The following INTS9 variants were observed in gnomAD, a reference collection of about 807,000 sequenced individuals.
INTS9 encodes integrator complex subunit 9, also known as protein related to CPSF subunits of 74 kDa.
INTS9 carries 55 observed loss-of-function variants against 79.7 expected under a neutral mutation model. The ratio of observed to expected loss-of-function variants is 0.69; its 90% confidence interval spans 0.56 to 0.86. The LOEUF (loss-of-function observed/expected upper bound fraction) is 0.86. INTS9 is among the 40% of genes least tolerant of loss of function. INTS9 has a pLI of 0.00. For missense variants in INTS9, 721 were observed against 831.5 expected (o/e 0.87, Z 1.64); for synonymous variants, 319 against 325.2 (o/e 0.98, Z 0.20).
chr8:28,877,390 C>T (rs1050399782), intron 1 of INTS9, among the ~76,000 whole-genome samples: 1 of 152,156 alleles, frequency 6.6e-6, no homozygotes, highest in East Asian at 1.9e-4. Flanking sequence ...TATTTTTTCA[C>T]TTTTCAGTGA....
intron 6 of INTS9, among the ~76,000 whole-genome samples, chr8:28,831,995 G>A (rs1323993303): frequency 2.0e-5 from 3 of 152,242 alleles, no homozygotes; most frequent in South Asian, 4.2e-4. Flanking sequence ...CTGAGCCACT[G>A]CACCTGGCCA....
intron 6 of INTS9, among the ~76,000 whole-genome samples, chr8:28,830,426 G>C (rs1407266607): frequency 1.3e-5 from 2 of 152,034 alleles, no homozygotes; most frequent in Admixed American, 6.6e-5. Flanking sequence ...TTGAGGTCAG[G>C]AGTTTGAGAC....
intron 12 of INTS9, among the ~76,000 whole-genome samples, chr8:28,779,712 TAC>T (rs1803129215): frequency 6.6e-6 from 1 of 152,226 alleles, no homozygotes. Flanking sequence ...GCTTTTCTTT[TAC>T]CCATGGTGTG....
chr8:28,852,717 A>G (rs1807911194), intron 2 of INTS9, among the ~76,000 whole-genome samples: 1 of 152,256 alleles, frequency 6.6e-6, no homozygotes, highest in Admixed American at 6.5e-5. Flanking sequence ...GTTGCTTATG[A>G]GAATATAACT....
chr8:28,846,298 A>T (rs985928278), intron 4 of INTS9, among the ~76,000 whole-genome samples: 1 of 152,232 alleles, frequency 6.6e-6, no homozygotes, highest in African/African-American at 2.4e-5. Flanking sequence ...TCTATGACTC[A>T]GTTCAGAATC....
chr8:28,798,381 A>G (rs1299592016), intron 8 of INTS9: 1 of 152,262 alleles, frequency 6.6e-6, no homozygotes, highest in Non-Finnish European at 1.5e-5. Flanking sequence ...ATCATTTTAT[A>G]TGGACCTTGT....
intron 6 of INTS9, among the ~76,000 whole-genome samples, chr8:28,822,600 C>T (rs7838224): frequency 0.024 from 3,635 of 151,998 alleles, 153 homozygotes; most frequent in African/African-American, 0.081. Flanking sequence ...ATGAATGAAA[C>T]GGCTTCAGTA....
chr8:28,776,641 C>T (rs1298824906), intron 13 of INTS9, among the ~76,000 whole-genome samples: 1 of 152,084 alleles, frequency 6.6e-6, no homozygotes, highest in African/African-American at 2.4e-5. Context: ...ACCAGGCTGA[C>T]CGGGCTGAGC....
chr8:28,836,393 G>T (rs1026635467), intron 5 of INTS9, among the ~76,000 whole-genome samples: 1 of 152,120 alleles, frequency 6.6e-6, no homozygotes, highest in African/African-American at 2.4e-5. Flanking sequence ...GGTAGAAATG[G>T]ATTTGACACC....
At chr8:28,887,281 G>T (rs1810221873) in intron 1 of INTS9, among the ~76,000 whole-genome samples, 1 of 152,202 alleles carries the variant, frequency 6.6e-6, no homozygotes, top group African/African-American at 2.4e-5. Context: ...GGGTTTCATG[G>T]AACTCTGCAA....
chr8:28,808,517 C>G (rs1262691021), intron 8 of INTS9, among the ~76,000 whole-genome samples: 1 of 152,118 alleles, frequency 6.6e-6, no homozygotes, highest in African/African-American at 2.4e-5. Flanking sequence ...TCCAGTTTGT[C>G]TCCAGACTTG....
chr8:28,851,748 G>T (rs563111404), intron 2 of INTS9, among the ~76,000 whole-genome samples: 2 of 152,038 alleles, frequency 1.3e-5, no homozygotes, highest in East Asian at 1.9e-4. Context: ...GGGGTGGGGG[G>T]TAAGTTTTAA....
chr8:28,832,294 A>G (rs1164312892), intron 6 of INTS9, among the ~76,000 whole-genome samples: 1 of 152,226 alleles, frequency 6.6e-6, no homozygotes, highest in Non-Finnish European at 1.5e-5. Flanking sequence ...CAGTCAGATC[A>G]AGGAGGCCAT....
intron 6 of INTS9, among the ~76,000 whole-genome samples, chr8:28,827,920 A>C (rs1806246110): frequency 6.6e-6 from 1 of 152,150 alleles, no homozygotes; most frequent in South Asian, 2.1e-4. Flanking sequence ...AAAGTGATTA[A>C]TTGGGATTTT....
At chr8:28,813,444 T>C in intron 7 of INTS9, 48 bp downstream of exon 7, 1 of 1,569,764 alleles carries the variant, frequency 6.4e-7, no homozygotes, top group Non-Finnish European at 8.8e-7. Flanking sequence ...AACAACAATA[T>C]GAATGGAAAG....
At chr8:28,779,821 G>A (rs1803134761) in intron 12 of INTS9, among the ~76,000 whole-genome samples, 1 of 152,092 alleles carries the variant, frequency 6.6e-6, no homozygotes. Flanking sequence ...CTGGGGGAAG[G>A]GCTGAAGCGT....
intron 8 of INTS9, among the ~76,000 whole-genome samples, chr8:28,800,965 C>T (rs1389165087): frequency 6.6e-6 from 1 of 152,204 alleles, no homozygotes; most frequent in Non-Finnish European, 1.5e-5. Flanking sequence ...ATTGTCCAGT[C>T]TCCCCCTCCT....
chr8:28,796,542 A>G lies in INTS9; in HGVS notation c.856+2T>C. 1 of 1,562,602 alleles carries G rather than the reference A, an allele frequency of 6.4e-7. No homozygotes were observed. Among genetic ancestry groups the G allele is most frequent in the Non-Finnish European group, 8.8e-7 (1 of 1,132,988 alleles). On this transcript the variant is annotated splice_donor_variant, in intron 9 of 16. Transcript: ENST00000521022. LOFTEE classifies it high-confidence loss of function. ...AACGTAAGATGAGAGACGGTTGCAC[A>G]CCTAGGTTGCTGCAGAACTCTCCCA...
intron 8 of INTS9, among the ~76,000 whole-genome samples, chr8:28,802,946 CAAA>C (rs575727940): frequency 6.1e-5 from 4 of 65,268 alleles, no homozygotes; most frequent in Admixed American, 1.7e-4. Context: ...CCCGTTTCTA[CAAA>C]AAAAAAAAAA....
Sources: allele counts gnomAD v4.1 joint callset (sites outside exome capture counted in the v4.1 genomes callset), GRCh38; gene constraint gnomAD v4.1.1; transcripts MANE v1.5; gene names NCBI Gene and HGNC (gene_info 2026-07-23, HGNC 2026-07-21).